The following SOX5 variants were observed in gnomAD, a reference collection of about 807,000 sequenced individuals.
The protein encoded by SOX5 is transcription factor SOX-5.
A neutral mutation model predicts 92.0 loss-of-function variants in SOX5; 9 were observed. That is an observed-to-expected ratio of 0.10 (90% CI 0.06 to 0.17). The LOEUF is 0.17. SOX5 is among the 10% of genes least tolerant of loss of function. The pLI is 1.00. For missense variants in SOX5, 642 were observed against 944.5 expected (o/e 0.68, Z 4.20); for synonymous variants, 344 against 336.3 (o/e 1.02, Z -0.25).
intron 2 of SOX5, among the ~76,000 whole-genome samples, chr12:24,317,443 T>G (rs913219059): frequency 6.6e-6 from 1 of 152,236 alleles, no homozygotes; most frequent in Non-Finnish European, 1.5e-5. Context: ...CCAGGATATA[T>G]AAACTTGAAT....
At chr12:24,317,891 T>C in intron 2 of SOX5, among the ~76,000 whole-genome samples, 1 of 152,198 alleles carries the variant, frequency 6.6e-6, no homozygotes. Flanking sequence ...ATATTCGCTC[T>C]TCCCTTATTC....
chr12:23,539,966 A>G (rs1941563797), intron 13 of SOX5, among the ~76,000 whole-genome samples: 1 of 152,134 alleles, frequency 6.6e-6, no homozygotes, highest in Non-Finnish European at 1.5e-5. Context: ...AGCTTAACCA[A>G]CTGACAAGTT....
intron 1 of SOX5, among the ~76,000 whole-genome samples, chr12:23,907,799 T>G (rs2097309543): frequency 1.3e-5 from 2 of 152,128 alleles, no homozygotes; most frequent in Non-Finnish European, 2.9e-5. Context: ...GGCTTTATAA[T>G]ACTGCATCCT....
intron 14 of SOX5, among the ~76,000 whole-genome samples, chr12:23,535,538 A>T (rs1016381938): frequency 4.9e-4 from 74 of 152,350 alleles, no homozygotes; most frequent in African/African-American, 1.8e-3. Flanking sequence ...GGAAAGGATG[A>T]ATAGATGATG....
intron 3 of SOX5, among the ~76,000 whole-genome samples, chr12:23,772,470 T>A (rs1199046061): frequency 6.6e-6 from 1 of 152,192 alleles, no homozygotes; most frequent in East Asian, 1.9e-4. Context: ...ATATTTGAAA[T>A]ACGTGTATGT....
intron 4 of SOX5, among the ~76,000 whole-genome samples, chr12:24,017,584 A>C (rs775818165): frequency 6.6e-6 from 1 of 152,140 alleles, no homozygotes; most frequent in Non-Finnish European, 1.5e-5. Flanking sequence ...TGGGTGACAG[A>C]GTGAGACTCT....
intron 1 of SOX5, among the ~76,000 whole-genome samples, chr12:24,383,837 A>G (rs999187808): frequency 7.2e-5 from 11 of 152,120 alleles, no homozygotes; most frequent in Non-Finnish European, 1.6e-4. Context: ...AGTTAGTGAT[A>G]CGGTTTGGCT....
intron 4 of SOX5, among the ~76,000 whole-genome samples, chr12:23,744,574 GT>G (rs910432678): frequency 2.6e-5 from 4 of 151,870 alleles, no homozygotes; most frequent in Non-Finnish European, 5.9e-5. Flanking sequence ...CTCAAAATAG[GT>G]TTGTTTTTCC....
In SOX5 at chr12:24,478,320, T is replaced by A. The variant is rs922463374; in HGVS notation, c.-251+84009A>T. On this transcript the variant is annotated intron_variant, in intron 1 of 4. Transcript: ENST00000446891. ...AAGATCACCAAAGCATACACCTACA[T>A]CTTTCTGTTTGTACTTTTCTCATTT... 2.6e-5 allele frequency among the ~76,000 whole-genome samples: 4 copies of A among 152,204 alleles called. No homozygotes were observed. The East Asian group carries it at 5.8e-4, about 22-fold the overall frequency.
chr12:23,869,094 G>A (rs1414188767), intron 2 of SOX5, among the ~76,000 whole-genome samples: 1 of 152,090 alleles, frequency 6.6e-6, no homozygotes, highest in Non-Finnish European at 1.5e-5. Flanking sequence ...TGATAGCTTT[G>A]CAGAAGGTTG....
chr12:23,984,491 A>G (rs1423538765), intron 4 of SOX5, among the ~76,000 whole-genome samples: 2 of 152,170 alleles, frequency 1.3e-5, no homozygotes, highest in Admixed American at 6.6e-5. Flanking sequence ...CTACAAAGGA[A>G]TAGTGTGTTC....
intron 4 of SOX5, among the ~76,000 whole-genome samples, chr12:24,165,653 G>T (rs1360509940): frequency 2.0e-5 from 3 of 152,120 alleles, no homozygotes; most frequent in Admixed American, 2.0e-4. Flanking sequence ...CAAAGGACAG[G>T]ACTGAGAAGG....
In SOX5 at chr12:23,979,703, TTTTG is replaced by T. The variant is rs1294652957; in HGVS notation, c.-1-83683_-1-83680del. Among the ~76,000 whole-genome samples, 122 of 79,956 alleles carry T rather than the reference TTTTG, an allele frequency of 1.5e-3. 33 individuals carry two copies. Among genetic ancestry groups the T allele is most frequent in the East Asian group, 8.3e-3 (15 of 1,818 alleles). 52.5% of individuals were successfully genotyped at this position (79,956 alleles called of 152,430 possible). ...CCTTCCATATATATATATATGTTTT[TTTTG>T]TTTTTTTTTTTTTTTTTTTTTTTTT... is the stretch of plus-strand genomic sequence containing the variant. On this transcript the variant is annotated intron_variant, in intron 4 of 4. Coordinates refer to the SOX5 transcript ENST00000446891.
At chr12:24,140,266 T>C (rs936643630) in intron 4 of SOX5, among the ~76,000 whole-genome samples, 1 of 151,960 alleles carries the variant, frequency 6.6e-6, no homozygotes, top group African/African-American at 2.4e-5. Flanking sequence ...GTGGTGTTAG[T>C]AGAGAATTAG....
intron 1 of SOX5, among the ~76,000 whole-genome samples, chr12:24,450,385 A>T (rs567394927): frequency 6.6e-6 from 1 of 152,268 alleles, no homozygotes; most frequent in East Asian, 1.9e-4. Flanking sequence ...TTTACGAGCT[A>T]TATTAGATAT....
At chr12:24,526,107 C>G (rs1013641789) in intron 1 of SOX5, among the ~76,000 whole-genome samples, 5 of 152,036 alleles carry the variant, frequency 3.3e-5, no homozygotes, top group Admixed American at 1.3e-4. Context: ...CTCGGCCTCC[C>G]AAATGCTAGG....
chr12:24,330,691 C>CACAT (rs1416766055), intron 2 of SOX5, among the ~76,000 whole-genome samples: 1 of 152,168 alleles, frequency 6.6e-6, no homozygotes, highest in African/African-American at 2.4e-5. Context: ...AACAGCTTGG[C>CACAT]ACATGGTAGA....
At chr12:23,880,496 A>C (rs2096976175) in intron 2 of SOX5, among the ~76,000 whole-genome samples, 1 of 152,212 alleles carries the variant, frequency 6.6e-6, no homozygotes. Context: ...AGATTTCAGA[A>C]AACACAAGAA....
At chr12:24,235,232 C>A (rs1964226278) in intron 3 of SOX5, among the ~76,000 whole-genome samples, 1 of 152,110 alleles carries the variant, frequency 6.6e-6, no homozygotes. Context: ...GACATTAGAG[C>A]TATCTTATGA....
Sources: gnomAD v4.1 joint callset for allele counts (sites outside exome capture counted in the v4.1 genomes callset) on GRCh38, gnomAD v4.1.1 for gene constraint, MANE v1.5 for transcripts, NCBI Gene and HGNC (gene_info 2026-07-23, HGNC 2026-07-21) for gene names.